The following CR1 variants were observed in gnomAD, a reference collection of about 807,000 sequenced individuals.
The protein encoded by CR1 is complement receptor type 1.
Under a neutral mutation model 187.3 loss-of-function variants are expected in CR1, and 116 were observed. The ratio of observed to expected loss-of-function variants is 0.62; its 90% CI spans 0.53 to 0.72. The LOEUF (loss-of-function observed/expected upper bound fraction) is 0.72, where lower values mean the gene tolerates loss of function less well. Ranked by LOEUF, CR1 falls within the 30% of genes least tolerant of loss-of-function variation. The pLI, the probability that CR1 is intolerant of heterozygous loss-of-function variation, is 0.00. For synonymous variants in CR1, 576 were observed against 747.1 expected (o/e 0.77, Z 3.73); for missense variants, 1,731 against 2,110.7 (o/e 0.82, Z 3.52).
rs55862274 is a variant in CR1 at position 207,621,822 on chromosome 1, T to C, written c.7253-151T>C. 309 of 471,998 alleles carry C rather than the reference T, an allele frequency of 6.5e-4. 3 individuals are homozygous for C. The East Asian group carries it at 9.3e-3, about 14-fold the overall frequency. 29.2% of individuals were successfully genotyped at this position (471,998 alleles called of 1,614,324 possible). ...CTGAGTGCAGAAGGTAAAATGAGAGTATGTGAATGAAACCAATGGCTTTTT... is the reference window on the plus strand; with the variant it reads ...CTGAGTGCAGAAGGTAAAATGAGAGCATGTGAATGAAACCAATGGCTTTTT... On this transcript the variant is annotated intron_variant, in intron 43 of 46. Transcript: ENST00000367049.
intron 3 of CR1, among the ~76,000 whole-genome samples, chr1:207,510,121 C>T (rs972628349): frequency 2.0e-5 from 3 of 152,070 alleles, no homozygotes; most frequent in African/African-American, 7.2e-5. Context: ...GCAGGAGAAT[C>T]TCTTGAATCC....
chr1:207,626,396 A>G (rs547570904), intron 45 of CR1, among the ~76,000 whole-genome samples: 1 of 152,206 alleles, frequency 6.6e-6, no homozygotes, highest in East Asian at 1.9e-4. Flanking sequence ...GGTGTGGCCA[A>G]TAAGCTAAGT....
chr1:207,574,840 T>C (rs1481970772), intron 27 of CR1, among the ~76,000 whole-genome samples: 1 of 152,172 alleles, frequency 6.6e-6, no homozygotes, highest in Admixed American at 6.5e-5. Context: ...AAATAATAAG[T>C]TTAATTTCCA....
rs569600401 is a variant in CR1, at chr1:207,526,719, C to T, written c.887-34C>T. On this transcript the variant is annotated intron_variant, in intron 5 of 46. Transcript: ENST00000367049. ...AACAGTGAGAAAAAAGTTGTTTTCACACAATTAGCTGTACTTTGTTTCTCT... is the reference window on the plus strand; with the variant it reads ...AACAGTGAGAAAAAAGTTGTTTTCATACAATTAGCTGTACTTTGTTTCTCT... The T allele has an allele frequency of 1.5e-5, 22 of 1,493,870 alleles. 3 individuals are homozygous for T. The highest frequency in any genetic ancestry group is 1.2e-4 in the East Asian group (5 of 41,306). The allele number at this position is 1,493,870 out of a possible 1,614,324, so 92.5% of individuals were successfully genotyped here.
intron 27 of CR1, among the ~76,000 whole-genome samples, chr1:207,575,392 C>T (rs1660710067): frequency 6.6e-6 from 1 of 152,044 alleles, no homozygotes; most frequent in Non-Finnish European, 1.5e-5. Flanking sequence ...CAATGTGGGC[C>T]AGGAGAAGTT....
chr1:207,578,144 G>C lies in CR1; in HGVS notation c.4877G>C (p.Arg1626Pro). The C allele has an allele frequency of 6.2e-7, 1 of 1,611,802 alleles. No homozygotes were observed. The highest frequency in any genetic ancestry group is 8.5e-7 in the Non-Finnish European group (1 of 1,179,722). ...CCTGGCTTTGTCATGAAAGGACCCC[G>C]CCGTGTGAAGTGCCAGGCCCTGAAC... ...CQPGFVMKGPRRVKCQALNKW... is the reference protein window; with the variant it reads ...CQPGFVMKGPPRVKCQALNKW... Residue 1626 changes from arginine (R) to proline (P), a missense_variant, in exon 29 of 47, where the codon CGC (arginine) becomes CCC (proline). Physicochemically the swap from Arg to Pro is moderately radical, Grantham distance 103. Around this residue, in one of 5 missense-constraint regions of CR1, gnomAD observed 1,312 missense variants for 1,379.6 expected, o/e 0.95. Coordinates refer to ENST00000367049, the MANE Select transcript of CR1 (RefSeq NM_000651.6).
At chr1:207,598,933 A>C (rs534815200) in intron 35 of CR1, 13 of 152,312 alleles carry the variant, frequency 8.5e-5, no homozygotes, top group African/African-American at 3.1e-4. Flanking sequence ...AACTTGGATC[A>C]TCTGGCTGGC....
At chr1:207,617,612 TAGAGAGAGAGAGAGAGAGAGAGAGAG>T (rs1156448710) in intron 41 of CR1, among the ~76,000 whole-genome samples, 500 of 21,964 alleles carry the variant, frequency 0.023, 5 homozygotes, top group Non-Finnish European at 0.034. Flanking sequence ...TATATATATA[TAGAGAGAGAGAGAGAGAGAGAGAGAG>T]AGAGAGAGAG....
intron 1 of CR1, among the ~76,000 whole-genome samples, chr1:207,503,233 G>C (rs1275128781): frequency 1.3e-5 from 2 of 152,146 alleles, no homozygotes; most frequent in Non-Finnish European, 2.9e-5. Flanking sequence ...GCAAGATTAA[G>C]CGGTTTGCCT....
intron 1 of CR1, among the ~76,000 whole-genome samples, chr1:207,499,105 T>C (rs1053675468): frequency 5.9e-5 from 9 of 152,198 alleles, no homozygotes; most frequent in Admixed American, 1.3e-4. Flanking sequence ...CCCAACTATA[T>C]ACTGTGTACA....
At chr1:207,582,098 T>C in intron 32 of CR1, 95 bp downstream of exon 32, 1 of 786,700 alleles carries the variant, frequency 1.3e-6, no homozygotes, top group Non-Finnish European at 2.0e-6. Flanking sequence ...TCCCGCTGTT[T>C]GTGCCCGCTT....
At chr1:207,574,513 G>A (rs866253299) in intron 27 of CR1, among the ~76,000 whole-genome samples, 45 of 152,072 alleles carry the variant, frequency 3.0e-4, no homozygotes, top group African/African-American at 1.9e-4. Context: ...GGAGAATGAT[G>A]AATTCCAAAG....
intron 4 of CR1, among the ~76,000 whole-genome samples, chr1:207,518,727 C>A (rs1014463556): frequency 2.6e-5 from 4 of 152,184 alleles, no homozygotes; most frequent in Non-Finnish European, 1.5e-5. Context: ...CTGTGTGTGT[C>A]CTTTGCTCTT....
In CR1 at chr1:207,614,387, A is replaced by G. The variant is rs1325255161; in HGVS notation, c.6576-17A>G. 1 of 1,592,636 alleles carries G rather than the reference A, an allele frequency of 6.3e-7. No individual in the cohort carries two copies. The highest frequency in any genetic ancestry group is 8.6e-7 in the Non-Finnish European group (1 of 1,163,076). On this transcript the variant is annotated splice_polypyrimidine_tract_variant and intron_variant, in intron 39 of 46. Transcript: ENST00000367049. ...GGGAATTGCTCACACATTTGCTACC[A>G]CTTTTTTTTTCTTTAGGTTCCGATT... is the stretch of plus-strand genomic sequence containing the variant.
At chr1:207,621,022 C>A (rs1453343470) in intron 43 of CR1, among the ~76,000 whole-genome samples, 1 of 152,082 alleles carries the variant, frequency 6.6e-6, no homozygotes, top group African/African-American at 2.4e-5. Flanking sequence ...GCCTGTAATC[C>A]CAGCACTTTG....
At position 207,526,897 on chromosome 1, in the gene CR1, G is replaced by A; in HGVS notation, c.1031G>A (p.Gly344Glu). 6.7e-7 allele frequency: 1 copy of A among 1,486,948 alleles called. No homozygotes were observed. The highest frequency in any genetic ancestry group is 2.4e-5 in the East Asian group (1 of 41,662). The allele number at this position is 1,486,948 out of a possible 1,614,324, so 92.1% of individuals were successfully genotyped here. A position where few individuals can be genotyped will look rare whatever the true frequency, so the allele number is the denominator to read the frequency against. The change falls in exon 6 of 47, where the codon GGA (glycine) becomes GAA (glutamate). Residue 344 changes from glycine (G) to glutamate (E), a missense_variant. This residue lies in a region of CR1 where 17 missense variants were observed against 214.5 expected (regional missense o/e 0.08). Coordinates refer to ENST00000367049, the MANE Select transcript of CR1 (RefSeq NM_000651.6). ...GAASMRCTPQ[G>E]DWSPAAPTCE... ...GCGTCTATGCGCTGCACACCCCAGGGAGACTGGAGCCCTGCAGCCCCCACA... is the reference window on the plus strand; with the variant it reads ...GCGTCTATGCGCTGCACACCCCAGGAAGACTGGAGCCCTGCAGCCCCCACA...
chr1:207,591,966 C>G (rs897112728), intron 35 of CR1, among the ~76,000 whole-genome samples: 1 of 151,950 alleles, frequency 6.6e-6, no homozygotes, highest in Non-Finnish European at 1.5e-5. Flanking sequence ...GCCTACCAAC[C>G]AAAAAAAGCC....
intron 35 of CR1, among the ~76,000 whole-genome samples, chr1:207,594,242 G>A (rs1417584350): frequency 2.6e-5 from 4 of 152,132 alleles, no homozygotes; most frequent in Non-Finnish European, 4.4e-5. Flanking sequence ...AGAAAATGTG[G>A]CACATATACA....
intron 4 of CR1, among the ~76,000 whole-genome samples, chr1:207,521,897 G>C (rs973737149): frequency 6.0e-5 from 9 of 149,224 alleles, no homozygotes; most frequent in African/African-American, 1.7e-4. Flanking sequence ...TCAAACTCCT[G>C]AGCTCAAACG....
Sources: gnomAD v4.1 joint callset for allele counts (sites outside exome capture counted in the v4.1 genomes callset) on GRCh38, gnomAD v4.1.1 for gene constraint, gnomAD v4.1.1 regional missense constraint, MANE v1.5 for transcripts, NCBI Gene and HGNC (gene_info 2026-07-23, HGNC 2026-07-21) for gene names.